The following LRMDA variants were observed in gnomAD, a reference collection of about 807,000 sequenced individuals.
LRMDA encodes leucine-rich melanocyte differentiation-associated protein.
A neutral mutation model predicts 29.8 loss-of-function variants in LRMDA; 18 were observed. That is an observed-to-expected ratio of 0.60 (90% confidence interval 0.42 to 0.90). The LOEUF (loss-of-function observed/expected upper bound fraction) is 0.90, where lower values mean the gene tolerates loss of function less well. Among genes scored for constraint, LRMDA ranks in the 40% least tolerant of loss-of-function variants. LRMDA has a pLI of 0.00. For missense variants in LRMDA, 273 were observed against 273.9 expected, an observed-to-expected ratio of 1.00 and a Z score of 0.02; for synonymous variants, 125 against 109.4, an observed-to-expected ratio of 1.14 and a Z score of -0.89.
intron 5 of LRMDA, among the ~76,000 whole-genome samples, chr10:76,249,706 A>T (rs1461232198): frequency 3.3e-5 from 5 of 152,212 alleles, no homozygotes; most frequent in African/African-American, 1.2e-4. Context: ...AGGTCACAAT[A>T]CTGCATTTCC....
At chr10:76,328,655 T>A (rs1840867010) in intron 6 of LRMDA, among the ~76,000 whole-genome samples, 1 of 152,196 alleles carries the variant, frequency 6.6e-6, no homozygotes, top group South Asian at 2.1e-4. Context: ...CTGGAAATGT[T>A]CACCACTGCC....
At chr10:76,378,854 T>C (rs923785521) in intron 6 of LRMDA, among the ~76,000 whole-genome samples, 3 of 63,238 alleles carry the variant, frequency 4.7e-5, no homozygotes, top group African/African-American at 1.3e-4. Flanking sequence ...TTTTCTTTTT[T>C]TTTCTTTTTT....
intron 2 of LRMDA, among the ~76,000 whole-genome samples, chr10:75,875,589 T>C (rs145123409): frequency 0.022 from 3,381 of 152,290 alleles, 125 homozygotes; most frequent in African/African-American, 0.078. Context: ...TGCGCCACCA[T>C]GCCCAGCTAA....
chr10:75,873,203 C>T (rs977932602), intron 2 of LRMDA, among the ~76,000 whole-genome samples: 2 of 152,060 alleles, frequency 1.3e-5, no homozygotes, highest in Admixed American at 1.3e-4. Context: ...TCTAAGAATG[C>T]CATTTCAATT....
intron 5 of LRMDA, among the ~76,000 whole-genome samples, chr10:76,311,648 A>G: frequency 6.6e-6 from 1 of 152,150 alleles, no homozygotes; most frequent in East Asian, 1.9e-4. Context: ...TATTTTCCAA[A>G]GCGGCTTTTA....
chr10:76,205,714 T>G (rs1251459199), intron 5 of LRMDA, among the ~76,000 whole-genome samples: 3 of 152,148 alleles, frequency 2.0e-5, no homozygotes, highest in Non-Finnish European at 4.4e-5. Context: ...AAATTGTCAG[T>G]ATGCTCTAGA....
intron 6 of LRMDA, among the ~76,000 whole-genome samples, chr10:76,426,819 A>G (rs1842131453): frequency 6.6e-6 from 1 of 152,204 alleles, no homozygotes; most frequent in African/African-American, 2.4e-5. Flanking sequence ...CTTTCTACAT[A>G]TGGCTAGCCA....
At chr10:76,165,895 A>G (rs1850731318) in intron 5 of LRMDA, among the ~76,000 whole-genome samples, 1 of 152,182 alleles carries the variant, frequency 6.6e-6, no homozygotes, top group African/African-American at 2.4e-5. Flanking sequence ...CAGCACACTC[A>G]TTCAGCACAT....
chr10:76,413,244 G>A (rs1271797382), intron 6 of LRMDA, among the ~76,000 whole-genome samples: 2 of 151,992 alleles, frequency 1.3e-5, no homozygotes, highest in Admixed American at 1.3e-4. Flanking sequence ...TCCATTTTTA[G>A]CTTTCCAGCT....
intron 2 of LRMDA, among the ~76,000 whole-genome samples, chr10:75,585,828 C>T (rs1840648949): frequency 1.3e-5 from 2 of 152,204 alleles, no homozygotes; most frequent in South Asian, 2.1e-4. Context: ...AATAACTTCT[C>T]ATTTCCTTCT....
rs150645491 is a variant in LRMDA, at chr10:75,890,524, G to T, written c.132-145484G>T. Among the ~76,000 whole-genome samples, 7 of 152,344 alleles carry T rather than the reference G, an allele frequency of 4.6e-5. No homozygotes were observed. The East Asian group carries it at 9.6e-4, about 21-fold the overall frequency. On this transcript the variant is annotated intron_variant, in intron 2 of 6. Transcript: ENST00000611255. The stretch of plus-strand genomic sequence containing the variant: ...ATGAAGCCGATCCAGGGTTCTCAGA[G>T]TTGGACAGAAGGGGTTGTTTGGCAG...
chr10:75,512,784 G>A (rs1364806568), intron 2 of LRMDA, among the ~76,000 whole-genome samples: 1 of 152,142 alleles, frequency 6.6e-6, no homozygotes. Flanking sequence ...GAAAGTAAGT[G>A]TGCATGTGTG....
chr10:76,255,671 A>C lies in LRMDA; in HGVS notation c.517-68730A>C, dbSNP rs1852580994. Among the ~76,000 whole-genome samples, 3 of 152,246 alleles carry C rather than the reference A, an allele frequency of 2.0e-5. No homozygotes were observed. The South Asian group carries it at 6.2e-4, about 31-fold the overall frequency. On this transcript the variant is annotated intron_variant, in intron 5 of 6. Coordinates refer to ENST00000611255, the MANE Select transcript of LRMDA (RefSeq NM_001305581.2). Reference sequence around the variant, plus strand: ...CCCAGTGGATGGGAATTGATAGTGCATACAGTAGCTTTAAAGCAGCATGGA... The same window carrying C: ...CCCAGTGGATGGGAATTGATAGTGCCTACAGTAGCTTTAAAGCAGCATGGA...
chr10:76,122,924 G>A (rs1849814844), intron 5 of LRMDA, among the ~76,000 whole-genome samples: 1 of 152,116 alleles, frequency 6.6e-6, no homozygotes, highest in Admixed American at 6.5e-5. Flanking sequence ...TTCAGGGCAG[G>A]GATGAAGGTT....
chr10:75,885,700 T>C (rs1188592428), intron 2 of LRMDA, among the ~76,000 whole-genome samples: 1 of 152,238 alleles, frequency 6.6e-6, no homozygotes, highest in Non-Finnish European at 1.5e-5. Context: ...GGCTGTGTGG[T>C]GAATTGTGAT....
chr10:75,931,076 C>T (rs144674001), intron 2 of LRMDA, among the ~76,000 whole-genome samples: 1 of 152,170 alleles, frequency 6.6e-6, no homozygotes, highest in African/African-American at 2.4e-5. Flanking sequence ...ATTATGCCAT[C>T]CTATCTAGTT....
At chr10:76,390,209 T>C (rs1363513174) in intron 6 of LRMDA, among the ~76,000 whole-genome samples, 1 of 152,216 alleles carries the variant, frequency 6.6e-6, no homozygotes, top group Non-Finnish European at 1.5e-5. Flanking sequence ...CTAATGGATA[T>C]AAGGTGGTAT....
intron 2 of LRMDA, among the ~76,000 whole-genome samples, chr10:75,800,109 C>A (rs1057486109): frequency 6.6e-6 from 1 of 151,990 alleles, no homozygotes; most frequent in Non-Finnish European, 1.5e-5. Flanking sequence ...GACCATTTAT[C>A]AATTTCTTCT....
intron 6 of LRMDA, among the ~76,000 whole-genome samples, chr10:76,531,805 C>A (rs192388516): frequency 5.3e-5 from 8 of 152,150 alleles, no homozygotes; most frequent in Admixed American, 1.3e-4. Context: ...GGTTTCATGG[C>A]AAGTATTCCT....
Sources: allele counts gnomAD v4.1 joint callset (sites outside exome capture counted in the v4.1 genomes callset), GRCh38; gene constraint gnomAD v4.1.1; transcripts MANE v1.5; gene names NCBI Gene and HGNC (gene_info 2026-07-23, HGNC 2026-07-21).